Variants in VPS13C observed in about 807,000 individuals in gnomAD.
The protein encoded by VPS13C is vacuolar protein sorting 13 homolog C, also known as intermembrane lipid transfer protein VPS13C.
In VPS13C, 358 loss-of-function variants were observed where a neutral mutation model predicts 456.8. That is an observed-to-expected ratio of 0.78 (90% confidence interval 0.72 to 0.86). VPS13C has a LOEUF of 0.86. VPS13C is among the 40% of genes least tolerant of loss of function. The pLI, the probability that VPS13C is intolerant of heterozygous loss-of-function variation, is 0.00. For synonymous variants in VPS13C, 1,578 were observed against 1,486.7 expected, an observed-to-expected ratio of 1.06 and a Z score of -1.41; for missense variants, 4,818 against 4,385.4, an observed-to-expected ratio of 1.10 and a Z score of -2.79.
At chr15:61,923,827 TTC>T in intron 53 of VPS13C, among the ~76,000 whole-genome samples, 1 of 148,728 alleles carries the variant, frequency 6.7e-6, no homozygotes, top group Middle Eastern at 3.4e-3. Flanking sequence ...CACCACACCA[TTC>T]TCTCCAGCCA....
intron 1 of VPS13C, among the ~76,000 whole-genome samples, chr15:62,055,645 G>A (rs898272259): frequency 6.6e-6 from 1 of 151,732 alleles, no homozygotes; most frequent in Admixed American, 6.6e-5. Flanking sequence ...ACAATATTTC[G>A]ATCTTAAAAC....
Position 61,912,020 on chromosome 15 carries a change from A to C in VPS13C, c.8551-16T>G. Reference sequence around the variant, plus strand: ...TAACACCAACCTGTGGAAAGGAAAAAAGCTTATTTTCCAGTTTATTCAATG... The same window carrying C: ...TAACACCAACCTGTGGAAAGGAAAACAGCTTATTTTCCAGTTTATTCAATG... On this transcript the variant is annotated splice_polypyrimidine_tract_variant and intron_variant, in intron 62 of 84. Coordinates refer to ENST00000644861, the MANE Select transcript of VPS13C (RefSeq NM_020821.3). 1 of 1,551,106 alleles carries C rather than the reference A, an allele frequency of 6.4e-7. No individual in the cohort carries two copies. The highest frequency in any genetic ancestry group is 8.7e-7 in the Non-Finnish European group (1 of 1,146,586).
At chr15:62,037,240 ATATAT>A (rs2048040471) in intron 3 of VPS13C, among the ~76,000 whole-genome samples, 1 of 77,810 alleles carries the variant, frequency 1.3e-5, no homozygotes, top group South Asian at 3.3e-4. Flanking sequence ...ATATATAAAT[ATATAT>A]AATATATTTA....
chr15:61,950,374 G>A lies in VPS13C; in HGVS notation c.4580C>T (p.Thr1527Ile). The change falls in exon 41 of 85, where the codon ACC (threonine) becomes ATC (isoleucine). Residue 1527 changes from threonine (T) to isoleucine (I), a missense_variant. Around this residue, in one of 3 missense-constraint regions of VPS13C, gnomAD observed 4,552 missense variants for 4,130.6 expected, o/e 1.10. Coordinates refer to ENST00000644861, the MANE Select transcript of VPS13C (RefSeq NM_020821.3). ...AAGTTTTACCTTCAGTCTCTGTTTG[G>A]TACTGTCATGAATAGTTTTAAATTC... is the stretch of plus-strand genomic sequence containing the variant. ...GPEFKTIHDS[T>I]KQRLKVSFAS... 1 of 1,611,790 alleles carries A rather than the reference G, an allele frequency of 6.2e-7. No individual in the cohort carries two copies. Among genetic ancestry groups the A allele is most frequent in the Non-Finnish European group, 8.5e-7 (1 of 1,178,494 alleles).
chr15:62,046,160 G>GCA (rs2048395045), intron 1 of VPS13C, among the ~76,000 whole-genome samples: 1 of 152,132 alleles, frequency 6.6e-6, no homozygotes. Context: ...AAATACTATA[G>GCA]TATATAGTAG....
At chr15:61,938,699 C>G (rs1596356625) in intron 47 of VPS13C, among the ~76,000 whole-genome samples, 2 of 152,168 alleles carry the variant, frequency 1.3e-5, no homozygotes, top group Non-Finnish European at 2.9e-5. Flanking sequence ...ATACTATAAT[C>G]TTCCCCTGTG....
In VPS13C at chr15:61,922,661, A is replaced by T; in HGVS notation, c.6711T>A (p.Asn2237Lys). 1 of 1,613,938 alleles carries T rather than the reference A, an allele frequency of 6.2e-7. No homozygotes were observed. The highest frequency in any genetic ancestry group is 8.5e-7 in the Non-Finnish European group (1 of 1,179,938). Residue 2237 changes from asparagine to lysine, a missense_variant, in exon 54 of 85, where the codon AAT becomes AAA. Physicochemically the swap from Asn to Lys is moderately conservative, Grantham distance 94. Around this residue, in one of 3 missense-constraint regions of VPS13C, gnomAD observed 4,552 missense variants for 4,130.6 expected, o/e 1.10. Coordinates refer to ENST00000644861, the MANE Select transcript of VPS13C (RefSeq NM_020821.3). ...CATTAATCGATTTGATACCCCAAAG[A>T]TTTTCCATTTCCTTAGACGTATCTT... ...GSKDTSKEME[N>K]LWGIKSINDY... is the part of the protein sequence containing the mutation.
chr15:61,962,652 T>C (rs946293391), intron 33 of VPS13C, 97 bp downstream of exon 33: 4 of 1,305,990 alleles, frequency 3.1e-6, no homozygotes, highest in African/African-American at 3.0e-5. Flanking sequence ...TCTATTGAAA[T>C]ATATTTCATT....
chr15:61,865,249 C>A (rs1894459700), intron 81 of VPS13C: 1 of 983,536 alleles, frequency 1.0e-6, no homozygotes, highest in Non-Finnish European at 1.2e-6. Context: ...TATGAAAAAG[C>A]AAACAAGATA....
At chr15:62,015,914 C>G (rs2047225048) in intron 9 of VPS13C, among the ~76,000 whole-genome samples, 1 of 131,236 alleles carries the variant, frequency 7.6e-6, no homozygotes. Flanking sequence ...GCACATGTAC[C>G]CTAAAACTTA....
intron 26 of VPS13C, 105 bp downstream of exon 26, chr15:61,973,349 A>G: frequency 1.1e-6 from 1 of 909,528 alleles, no homozygotes; most frequent in South Asian, 1.7e-5. Flanking sequence ...AAACCAGTAA[A>G]TTACTACAGC....
At chr15:62,018,818 G>A (rs1239270491) in intron 9 of VPS13C, among the ~76,000 whole-genome samples, 2 of 152,134 alleles carry the variant, frequency 1.3e-5, no homozygotes, top group East Asian at 3.9e-4. Flanking sequence ...AGTTAGGGAG[G>A]ATTCCCTCTT....
chr15:61,951,982 T>TA lies in VPS13C; in HGVS notation c.4300-3dup, dbSNP rs1433577122. On this transcript the variant is annotated splice_region_variant and splice_polypyrimidine_tract_variant and intron_variant, in intron 38 of 84. Coordinates refer to ENST00000644861, the MANE Select transcript of VPS13C (RefSeq NM_020821.3). The stretch of plus-strand genomic sequence containing the variant: ...TTTTTTCATCAAAGTAACCACAACC[T>TA]AAAAAACGGTACCAGTATTACCACC... The TA allele has an allele frequency of 1.2e-6, 2 of 1,609,904 alleles. No homozygotes were observed. The highest frequency in any genetic ancestry group is 8.5e-7 in the Non-Finnish European group (1 of 1,178,662).
rs768726997 is a variant in VPS13C at position 61,905,508 on chromosome 15, A to C, written c.9105+1756T>G. ...GATGGGAAGCATGGTCTAGCAGAAA[A>C]AGTTCACAGACTTTGAAGTCAGACA... On this transcript the variant is annotated intron_variant, in intron 66 of 84. Transcript: ENST00000644861. Among the ~76,000 whole-genome samples, 17 of 152,176 alleles carry C rather than the reference A, an allele frequency of 1.1e-4. 1 individual carries two copies. The highest frequency in any genetic ancestry group is 1.8e-4 in the Non-Finnish European group (12 of 68,008).
chr15:61,867,610 TA>T lies in VPS13C; in HGVS notation c.10863+1048del, dbSNP rs1360111690. 6 of 1,084,320 alleles carry T rather than the reference TA, an allele frequency of 5.5e-6. No homozygotes were observed. In the African/African-American group the frequency reaches 8.4e-5, roughly 15 times the overall value. 67.2% of individuals were successfully genotyped at this position (1,084,320 alleles called of 1,614,324 possible). ...TGAAATGCACATGAACACCATAAGATAAAATTTTCGAAATGATAGTAACAGT... is the reference window on the plus strand; with the variant it reads ...TGAAATGCACATGAACACCATAAGATAAATTTTCGAAATGATAGTAACAGT... On this transcript the variant is annotated intron_variant, in intron 81 of 84. Coordinates refer to ENST00000644861, the MANE Select transcript of VPS13C (RefSeq NM_020821.3). This position sits in a 1 kb window ranked among gnomAD's most constrained non-coding sequence, Gnocchi z 5.0.
At chr15:61,963,195 C>T (rs1055110063) in intron 32 of VPS13C, among the ~76,000 whole-genome samples, 6 of 152,034 alleles carry the variant, frequency 3.9e-5, no homozygotes, top group South Asian at 2.1e-4. Flanking sequence ...CTAGTAGATG[C>T]GCTGCCAGTT....
At chr15:61,903,201 G>A (rs1358084223) in intron 66 of VPS13C, among the ~76,000 whole-genome samples, 1 of 151,872 alleles carries the variant, frequency 6.6e-6, no homozygotes, top group Non-Finnish European at 1.5e-5. Context: ...CGCTGGGCTT[G>A]GTGGTACACA....
intron 18 of VPS13C, among the ~76,000 whole-genome samples, chr15:61,988,015 G>C (rs539450623): frequency 9.9e-5 from 15 of 152,064 alleles, no homozygotes; most frequent in South Asian, 4.2e-4. Flanking sequence ...AAAAATTATG[G>C]TATATTCATA....
chr15:61,856,596 AC>A, intron 82 of VPS13C, 187 bp from the exon 83 acceptor site: 1 of 478,988 alleles, frequency 2.1e-6, no homozygotes, highest in African/African-American at 2.1e-5. Flanking sequence ...CAAATATGAC[AC>A]CTACCAAGCA....
Sources: gnomAD v4.1 joint callset for allele counts (sites outside exome capture counted in the v4.1 genomes callset) on GRCh38, gnomAD v4.1.1 for gene constraint, gnomAD v4.1.1 regional missense constraint, Gnocchi (gnomAD v3.1) non-coding constraint, MANE v1.5 for transcripts, NCBI Gene and HGNC (gene_info 2026-07-23, HGNC 2026-07-21) for gene names.